RANBP2: variants seen among roughly 807,000 people sequenced by gnomAD.
RANBP2 encodes E3 SUMO-protein ligase RanBP2.
In RANBP2, 57 loss-of-function variants were observed where a neutral mutation model predicts 303.6. The observed-to-expected ratio is 0.19, with a 90% CI of 0.15 to 0.23. The LOEUF (loss-of-function observed/expected upper bound fraction) is 0.23. RANBP2 is among the 10% of genes least tolerant of loss of function. The pLI is 1.00. For synonymous variants in RANBP2, 1,167 were observed against 1,301.5 expected, an observed-to-expected ratio of 0.90 and a Z score of 2.23; for missense variants, 3,138 against 3,780.8, an observed-to-expected ratio of 0.83 and a Z score of 4.46.
chr2:108,964,764 C>A, the RANBP2 span, among the ~76,000 whole-genome samples: 2 of 152,318 alleles, frequency 1.3e-5, no homozygotes, highest in African/African-American at 4.8e-5. Context: ...CAGCAGGCAG[C>A]AGCCCTTGGC....
At chr2:109,195,208 ATAGGACTAGGAC>A in the RANBP2 span, among the ~76,000 whole-genome samples, 7 of 151,384 alleles carry the variant, frequency 4.6e-5, no homozygotes, top group South Asian at 1.5e-3. Flanking sequence ...TAGGAGAGTG[ATAGGACTAGGAC>A]TAGGACTAGG....
At chr2:108,798,852 C>CACACACA in the RANBP2 span, among the ~76,000 whole-genome samples, 2 of 150,006 alleles carry the variant, frequency 1.3e-5, no homozygotes, top group Non-Finnish European at 1.5e-5. Flanking sequence ...CACACACACA[C>CACACACA]ATTTTTTCTG....
chr2:108,941,372 G>GTCTGAA, the RANBP2 span, among the ~76,000 whole-genome samples: 1 of 152,196 alleles, frequency 6.6e-6, no homozygotes, highest in African/African-American at 2.4e-5. Context: ...CCTGGCTTTT[G>GTCTGAA]TCTGAATCTG....
the RANBP2 span, among the ~76,000 whole-genome samples, chr2:109,133,515 T>G: frequency 1.3e-5 from 2 of 152,232 alleles, no homozygotes; most frequent in Admixed American, 1.3e-4. Context: ...TCTTTTTAGC[T>G]GAACACAGTC....
chr2:108,982,196 C>G, the RANBP2 span, among the ~76,000 whole-genome samples: 6 of 152,230 alleles, frequency 3.9e-5, no homozygotes, highest in Non-Finnish European at 5.9e-5. Flanking sequence ...CGTTGTCTTA[C>G]AGCAAATGCA....
chr2:109,614,759 C>T, the RANBP2 span: 101 of 1,480,116 alleles, frequency 6.8e-5, no homozygotes, highest in Non-Finnish European at 8.4e-5. Context: ...CGTCCGAGCC[C>T]TCCGGGGACC....
the RANBP2 span, among the ~76,000 whole-genome samples, chr2:109,533,061 C>G: frequency 6.6e-6 from 1 of 152,018 alleles, no homozygotes; most frequent in African/African-American, 2.4e-5. Flanking sequence ...CAAATAGACA[C>G]GTCAGGTGAT....
the RANBP2 span, among the ~76,000 whole-genome samples, chr2:109,324,047 A>G: frequency 1.3e-5 from 2 of 152,224 alleles, no homozygotes; most frequent in Admixed American, 1.3e-4. Context: ...ATTTCTATGA[A>G]TGGAAGCAGA....
the RANBP2 span, among the ~76,000 whole-genome samples, chr2:109,551,208 A>G: frequency 6.6e-6 from 1 of 152,246 alleles, no homozygotes; most frequent in Non-Finnish European, 1.5e-5. Context: ...CTAAGCACAC[A>G]TCATTTTACA....
chr2:108,737,217 G>A (rs917727682), intron 6 of RANBP2, among the ~76,000 whole-genome samples: 2 of 151,900 alleles, frequency 1.3e-5, no homozygotes, highest in Non-Finnish European at 2.9e-5. Context: ...AAAACATGTA[G>A]GATGTTTTAT....
At chr2:108,791,344 A>C in the RANBP2 span, among the ~76,000 whole-genome samples, 1 of 152,102 alleles carries the variant, frequency 6.6e-6, no homozygotes, top group Non-Finnish European at 1.5e-5. Flanking sequence ...TTACTTATGT[A>C]TATTATTTTA....
chr2:109,111,771 A>C, the RANBP2 span, among the ~76,000 whole-genome samples: 1 of 133,208 alleles, frequency 7.5e-6, no homozygotes, highest in Non-Finnish European at 1.6e-5. Context: ...TCCTAATGCT[A>C]TCCCTCCCCC....
At chr2:109,705,339 G>A in the RANBP2 span, among the ~76,000 whole-genome samples, 2 of 151,542 alleles carry the variant, frequency 1.3e-5, no homozygotes, top group Non-Finnish European at 2.9e-5. Flanking sequence ...CCGGGAAGTG[G>A]AGATTTCAGT....
the RANBP2 span, among the ~76,000 whole-genome samples, chr2:109,509,524 C>T: frequency 1.3e-5 from 2 of 152,054 alleles, no homozygotes; most frequent in Non-Finnish European, 2.9e-5. Flanking sequence ...CCGGATTCAT[C>T]TCTGTGCGTC....
At chr2:109,462,729 C>T in the RANBP2 span, among the ~76,000 whole-genome samples, 3 of 152,160 alleles carry the variant, frequency 2.0e-5, no homozygotes, top group South Asian at 2.1e-4. Context: ...CTGCTGAGTA[C>T]GTCTAGGCTA....
the RANBP2 span, among the ~76,000 whole-genome samples, chr2:109,388,778 G>A: frequency 3.3e-5 from 5 of 152,190 alleles, no homozygotes; most frequent in African/African-American, 1.2e-4. Context: ...GTGACATCTT[G>A]ATCTGATCAC....
the RANBP2 span, chr2:109,615,117 A>G: frequency 9.7e-6 from 15 of 1,549,588 alleles, no homozygotes; most frequent in South Asian, 1.7e-4. Context: ...TGACCTGGTG[A>G]TGGGCAGCTC....
At chr2:109,385,673 C>G in the RANBP2 span, among the ~76,000 whole-genome samples, 73,430 of 152,060 alleles carry the variant, frequency 0.48, 17,836 homozygotes, top group Middle Eastern at 0.55. Context: ...GCAGGGAGCA[C>G]CCCACACAAG....
the RANBP2 span, among the ~76,000 whole-genome samples, chr2:109,486,097 C>T: frequency 2.7e-3 from 416 of 152,312 alleles, 2 homozygotes; most frequent in African/African-American, 9.6e-3. Context: ...TGTTAGTAAC[C>T]CTCAATAACC....
Sources: gnomAD v4.1 joint callset for allele counts (sites outside exome capture counted in the v4.1 genomes callset) on GRCh38, gnomAD v4.1.1 for gene constraint, MANE v1.5 for transcripts, NCBI Gene and HGNC (gene_info 2026-07-23, HGNC 2026-07-21) for gene names.